Variants in ABHD17B observed in about 807,000 individuals in gnomAD.
ABHD17B encodes the protein alpha/beta hydrolase domain-containing protein 17B.
A neutral mutation model predicts 26.2 loss-of-function variants in ABHD17B; 9 were observed. The observed-to-expected ratio is 0.34, with a 90% CI of 0.21 to 0.60. The LOEUF is 0.60. Among genes scored for constraint, ABHD17B ranks in the 20% least tolerant of loss-of-function variants. The pLI is 0.80. For synonymous variants in ABHD17B, 127 were observed against 122.3 expected, an observed-to-expected ratio of 1.04 and a Z score of -0.25; for missense variants, 224 against 352.1, an observed-to-expected ratio of 0.64 and a Z score of 2.91.
intron 1 of ABHD17B, among the ~76,000 whole-genome samples, chr9:71,892,271 AC>A (rs1826807303): frequency 6.6e-6 from 1 of 152,042 alleles, no homozygotes; most frequent in Non-Finnish European, 1.5e-5. Flanking sequence ...AGTGACTCAC[AC>A]CTGTAATCCC....
At chr9:71,871,406 T>G (rs945386082) in intron 2 of ABHD17B, among the ~76,000 whole-genome samples, 2 of 152,202 alleles carry the variant, frequency 1.3e-5, no homozygotes, top group Non-Finnish European at 2.9e-5. Flanking sequence ...TACTTCAAAT[T>G]GACTCTAAAT....
chr9:71,868,728 G>A (rs571178274), intron 3 of ABHD17B, among the ~76,000 whole-genome samples: 17 of 152,116 alleles, frequency 1.1e-4, no homozygotes, highest in Admixed American at 3.3e-4. Flanking sequence ...TCGCTCTGTC[G>A]CCCAGGCTGG....
chr9:71,876,254 CTTACCG>C (rs1826273208), intron 1 of ABHD17B, among the ~76,000 whole-genome samples: 1 of 152,196 alleles, frequency 6.6e-6, no homozygotes, highest in Non-Finnish European at 1.5e-5. Context: ...AACTCTACCA[CTTACCG>C]TTTGCCAGCT....
In ABHD17B at chr9:71,891,701, T is replaced by TA. The variant is rs1445303400; in HGVS notation, c.-3-16619dup. On this transcript the variant is annotated intron_variant, in intron 1 of 3. Transcript: ENST00000333421. The stretch of plus-strand genomic sequence containing the variant: ...GCTAGAATAAAGAGGATTTTGGAGA[T>TA]AGAGTAGTCAGTGTCAGTCTGTCTC... Among the ~76,000 whole-genome samples the TA allele has an allele frequency of 3.9e-5, 6 of 152,176 alleles. No homozygotes were observed. The East Asian group carries it at 5.8e-4, about 15-fold the overall frequency.
chr9:71,872,178 C>G lies in ABHD17B; in HGVS notation c.468-1916G>C, dbSNP rs560014619. Among the ~76,000 whole-genome samples, 6 of 152,230 alleles carry G rather than the reference C, an allele frequency of 3.9e-5. No homozygotes were observed. In the East Asian group the frequency reaches 1.2e-3, roughly 29 times the overall value. On this transcript the variant is annotated intron_variant, in intron 2 of 3. Transcript: ENST00000333421. ...CATTAAACAGATGAGGAAACACAGG[C>G]TCAGAGAAGTAATATTTCCTAAAGT...
In ABHD17B at chr9:71,911,169, C is replaced by A. The variant is rs921889100; in HGVS notation, c.-539G>T. 2.6e-5 allele frequency among the ~76,000 whole-genome samples: 4 copies of A among 152,036 alleles called. No homozygotes were observed. Among genetic ancestry groups the A allele is most frequent in the Non-Finnish European group, 4.4e-5 (3 of 68,006 alleles). On this transcript the variant is annotated 5_prime_UTR_variant, in exon 1 of 4. Coordinates refer to ENST00000333421, the MANE Select transcript of ABHD17B (RefSeq NM_001025780.3). ...ACGGAGGGGACGAGCACAATCCCCACTGAGCCAGGAGTTGGCCACTGACTG... is the reference window on the plus strand; with the variant it reads ...ACGGAGGGGACGAGCACAATCCCCAATGAGCCAGGAGTTGGCCACTGACTG...
intron 1 of ABHD17B, among the ~76,000 whole-genome samples, chr9:71,889,313 T>C (rs1220203090): frequency 4.3e-5 from 2 of 46,340 alleles, no homozygotes; most frequent in African/African-American, 1.1e-4. Flanking sequence ...CGAGACTCCG[T>C]CTAAAGAAAA....
chr9:71,905,540 T>A (rs192504399), intron 1 of ABHD17B, among the ~76,000 whole-genome samples: 9 of 152,318 alleles, frequency 5.9e-5, no homozygotes, highest in African/African-American at 2.2e-4. Context: ...GGACTGGAAG[T>A]TGTACTTTGT....
At chr9:71,900,510 C>T (rs1033755467) in intron 1 of ABHD17B, among the ~76,000 whole-genome samples, 3 of 151,734 alleles carry the variant, frequency 2.0e-5, no homozygotes, top group Non-Finnish European at 2.9e-5. Context: ...ATTAGCCAGG[C>T]GTGATGGCGT....
intron 1 of ABHD17B, among the ~76,000 whole-genome samples, chr9:71,876,149 G>A (rs1422956415): frequency 6.6e-6 from 1 of 152,082 alleles, no homozygotes; most frequent in Non-Finnish European, 1.5e-5. Flanking sequence ...AGTTTATTGT[G>A]GAAAAAAGGT....
chr9:71,871,060 C>T (rs1395834154), intron 2 of ABHD17B, among the ~76,000 whole-genome samples: 1 of 152,178 alleles, frequency 6.6e-6, no homozygotes, highest in African/African-American at 2.4e-5. Flanking sequence ...ATGTAAACTA[C>T]TGCAAGTGTA....
intron 1 of ABHD17B, among the ~76,000 whole-genome samples, chr9:71,902,283 C>G (rs1827166776): frequency 6.6e-6 from 1 of 152,060 alleles, no homozygotes; most frequent in African/African-American, 2.4e-5. Context: ...TGTGTATGAA[C>G]TAGGTTATGA....
chr9:71,885,786 T>C (rs1826590259), intron 1 of ABHD17B, among the ~76,000 whole-genome samples: 1 of 152,312 alleles, frequency 6.6e-6, no homozygotes, highest in African/African-American at 2.4e-5. Context: ...CTGTCAATTT[T>C]TGACATAATA....
chr9:71,877,704 C>T (rs1826320084), intron 1 of ABHD17B, among the ~76,000 whole-genome samples: 2 of 152,212 alleles, frequency 1.3e-5, no homozygotes, highest in South Asian at 4.1e-4. Flanking sequence ...AGGCATGAGC[C>T]ACCGCACCCA....
chr9:71,890,289 C>A (rs1166312319), intron 1 of ABHD17B, among the ~76,000 whole-genome samples: 2 of 151,916 alleles, frequency 1.3e-5, no homozygotes, highest in Non-Finnish European at 2.9e-5. Flanking sequence ...GACTCTGTCA[C>A]ACAGACACAC....
chr9:71,893,989 C>T (rs576166098), intron 1 of ABHD17B, among the ~76,000 whole-genome samples: 1 of 147,734 alleles, frequency 6.8e-6, no homozygotes, highest in Non-Finnish European at 1.5e-5. Flanking sequence ...ACTCGGGAGG[C>T]TGAGGCAAGA....
At chr9:71,906,661 T>C (rs113249277) in intron 1 of ABHD17B, among the ~76,000 whole-genome samples, 7 of 152,084 alleles carry the variant, frequency 4.6e-5, no homozygotes, top group African/African-American at 1.7e-4. Context: ...CTGTAAAAAA[T>C]CTAAAAATTA....
At chr9:71,869,009 T>C (rs1826037169) in intron 3 of ABHD17B, among the ~76,000 whole-genome samples, 3 of 152,150 alleles carry the variant, frequency 2.0e-5, no homozygotes, top group Admixed American at 1.3e-4. Context: ...TTTTTAGTGT[T>C]GCTCTCTGTT....
intron 1 of ABHD17B, among the ~76,000 whole-genome samples, chr9:71,878,683 CCT>C (rs1826350923): frequency 6.6e-6 from 1 of 152,106 alleles, no homozygotes; most frequent in African/African-American, 2.4e-5. Flanking sequence ...GTGGCTCACT[CCT>C]GTAATCCCAG....
Sources: allele counts gnomAD v4.1 joint callset (sites outside exome capture counted in the v4.1 genomes callset), GRCh38; gene constraint gnomAD v4.1.1; transcripts MANE v1.5; gene names NCBI Gene and HGNC (gene_info 2026-07-23, HGNC 2026-07-21).